Variants in STAU2 observed in about 807,000 individuals in gnomAD.
The protein encoded by STAU2 is double-stranded RNA-binding protein Staufen homolog 2.
Under a neutral mutation model 65.9 loss-of-function variants are expected in STAU2, and 20 were observed. The ratio of observed to expected loss-of-function variants is 0.30; its 90% CI spans 0.21 to 0.44. The LOEUF is 0.44. Among genes scored for constraint, STAU2 ranks in the 20% least tolerant of loss-of-function variants. The pLI is 1.00. For synonymous variants in STAU2, 232 were observed against 233.9 expected (o/e 0.99, Z 0.07); for missense variants, 558 against 683.9 (o/e 0.82, Z 2.05).
intron 6 of STAU2, among the ~76,000 whole-genome samples, chr8:73,662,833 C>A (rs1816934960): frequency 6.6e-6 from 1 of 152,128 alleles, no homozygotes; most frequent in South Asian, 2.1e-4. Flanking sequence ...TCAGGCTGGT[C>A]TCGAACTCCT....
intron 13 of STAU2, among the ~76,000 whole-genome samples, chr8:73,449,218 C>T (rs181705115): frequency 3.3e-5 from 5 of 152,336 alleles, no homozygotes; most frequent in African/African-American, 1.2e-4. Context: ...CACAGACCGC[C>T]ACTGAATCAA....
At chr8:73,464,605 C>CAG (rs1819551246) in intron 13 of STAU2, among the ~76,000 whole-genome samples, 1 of 128,390 alleles carries the variant, frequency 7.8e-6, no homozygotes, top group African/African-American at 3.4e-5. Context: ...CACGCGCACA[C>CAG]ACACACACAC....
intron 6 of STAU2, among the ~76,000 whole-genome samples, chr8:73,647,471 C>A (rs774866101): frequency 6.6e-6 from 1 of 151,934 alleles, no homozygotes; most frequent in Non-Finnish European, 1.5e-5. Flanking sequence ...AGATGGAGAA[C>A]ACATTCATGG....
intron 3 of STAU2, among the ~76,000 whole-genome samples, chr8:73,730,617 C>T (rs1371079224): frequency 6.6e-6 from 1 of 151,414 alleles, no homozygotes; most frequent in Non-Finnish European, 1.5e-5. Context: ...ATCCTAGCTA[C>T]TCAGGAGGCT....
intron 4 of STAU2, among the ~76,000 whole-genome samples, chr8:73,693,032 G>A (rs900354791): frequency 3.9e-5 from 6 of 151,948 alleles, no homozygotes; most frequent in Non-Finnish European, 8.8e-5. Flanking sequence ...ATGGTGGTGC[G>A]CACCTATAGT....
At chr8:73,715,464 AAAG>A (rs1483873037) in intron 3 of STAU2, among the ~76,000 whole-genome samples, 103 of 132,748 alleles carry the variant, frequency 7.8e-4, no homozygotes, top group African/African-American at 1.2e-3. Flanking sequence ...AAAAAAAAAA[AAAG>A]AAAGAAAGAA....
intron 13 of STAU2, among the ~76,000 whole-genome samples, chr8:73,449,464 A>G (rs1818677393): frequency 1.3e-5 from 2 of 152,176 alleles, no homozygotes; most frequent in Admixed American, 1.3e-4. Context: ...CAAAGATTTT[A>G]TCTGCAAATA....
intron 6 of STAU2, among the ~76,000 whole-genome samples, chr8:73,636,660 C>G (rs533367369): frequency 6.6e-6 from 1 of 151,656 alleles, no homozygotes; most frequent in Non-Finnish European, 1.5e-5. Context: ...GCTATGAGTT[C>G]GAGACCAGCC....
intron 13 of STAU2, among the ~76,000 whole-genome samples, chr8:73,484,145 T>G (rs977183110): frequency 3.3e-5 from 5 of 152,180 alleles, no homozygotes; most frequent in African/African-American, 4.8e-5. Context: ...CCTGTGTTCC[T>G]ATCAGTAGGT....
chr8:73,714,899 T>C (rs1423611391), intron 3 of STAU2, among the ~76,000 whole-genome samples: 1 of 152,044 alleles, frequency 6.6e-6, no homozygotes, highest in Non-Finnish European at 1.5e-5. Context: ...CTGGCCAACA[T>C]GGTGAAACCC....
At chr8:73,693,735 C>G (rs973722167) in intron 4 of STAU2, among the ~76,000 whole-genome samples, 2 of 152,244 alleles carry the variant, frequency 1.3e-5, no homozygotes, top group South Asian at 4.1e-4. Context: ...TGGAGACACA[C>G]TGTTTATGAA....
At chr8:73,439,849 T>A (rs1818001775) in intron 13 of STAU2, 1 of 152,254 alleles carries the variant, frequency 6.6e-6, no homozygotes, top group Non-Finnish European at 1.5e-5. Flanking sequence ...TATGGCTTGC[T>A]CCTGATAGAT....
intron 9 of STAU2, among the ~76,000 whole-genome samples, chr8:73,609,090 G>A (rs1355562304): frequency 6.6e-6 from 1 of 152,162 alleles, no homozygotes; most frequent in African/African-American, 2.4e-5. Context: ...AAGGGAAAAT[G>A]ATGAATTTGG....
chr8:73,590,534 A>C (rs1397648665), intron 11 of STAU2: 5 of 152,212 alleles, frequency 3.3e-5, no homozygotes, highest in Non-Finnish European at 4.4e-5. Context: ...AGAAAAAATA[A>C]CGTGAAATTT....
chr8:73,627,209 G>A (rs866734143), intron 6 of STAU2, among the ~76,000 whole-genome samples: 2 of 28,348 alleles, frequency 7.1e-5, no homozygotes, highest in African/African-American at 2.4e-4. Context: ...GGAATACGGC[G>A]GGGGGGGGGG....
intron 6 of STAU2, among the ~76,000 whole-genome samples, chr8:73,630,435 G>C (rs1281880452): frequency 6.6e-6 from 1 of 152,262 alleles, no homozygotes; most frequent in Non-Finnish European, 1.5e-5. Context: ...AGAGGCTGAA[G>C]TAATACTTAG....
intron 12 of STAU2, among the ~76,000 whole-genome samples, chr8:73,567,115 T>C (rs1219255454): frequency 6.6e-6 from 1 of 152,142 alleles, no homozygotes; most frequent in Non-Finnish European, 1.5e-5. Context: ...AAAAGATCAT[T>C]AATACAGTGG....
intron 10 of STAU2, among the ~76,000 whole-genome samples, 186 bp downstream of exon 10, chr8:73,603,540 T>C (rs1811789621): frequency 6.6e-6 from 1 of 152,212 alleles, no homozygotes; most frequent in African/African-American, 2.4e-5. Context: ...ATGTTGTCTA[T>C]TGTAACATGT....
chr8:73,675,855 T>C (rs1359252552), intron 5 of STAU2, among the ~76,000 whole-genome samples: 1 of 152,156 alleles, frequency 6.6e-6, no homozygotes, highest in Non-Finnish European at 1.5e-5. Context: ...GTGGATTAAA[T>C]GGTAATATGG....
Sources: allele counts gnomAD v4.1 joint callset (sites outside exome capture counted in the v4.1 genomes callset), GRCh38; gene constraint gnomAD v4.1.1; transcripts MANE v1.5; gene names NCBI Gene and HGNC (gene_info 2026-07-23, HGNC 2026-07-21).